ADGRL2: variants seen among roughly 807,000 people sequenced by gnomAD.
The protein encoded by ADGRL2 is adhesion G protein-coupled receptor L2, also known as calcium-independent alpha-latrotoxin receptor 2.
A neutral mutation model predicts 157.4 loss-of-function variants in ADGRL2; 44 were observed. That is an observed-to-expected ratio of 0.28 (90% CI 0.22 to 0.36). The LOEUF (loss-of-function observed/expected upper bound fraction) is 0.36. Among genes scored for constraint, ADGRL2 ranks in the 10% least tolerant of loss-of-function variants. The pLI is 1.00. For missense variants in ADGRL2, 1,510 were observed against 1,768.9 expected, an observed-to-expected ratio of 0.85 and a Z score of 2.63; for synonymous variants, 585 against 624.7, an observed-to-expected ratio of 0.94 and a Z score of 0.95.
At chr1:81,891,897 GT>G (rs2094275930) in intron 2 of ADGRL2, among the ~76,000 whole-genome samples, 1 of 151,918 alleles carries the variant, frequency 6.6e-6, no homozygotes, top group African/African-American at 2.4e-5. Flanking sequence ...ACGCATTTAT[GT>G]TTGGAGGTCT....
intron 21 of ADGRL2, among the ~76,000 whole-genome samples, 152 bp from the exon 22 acceptor site, chr1:81,986,749 T>C (rs565052107): frequency 6.6e-6 from 1 of 152,182 alleles, no homozygotes; most frequent in South Asian, 2.1e-4. Context: ...GTAGTTCAAA[T>C]ACAGTCAGAA....
At chr1:81,727,293 G>A (rs1166918159) in intron 1 of ADGRL2, among the ~76,000 whole-genome samples, 2 of 151,972 alleles carry the variant, frequency 1.3e-5, no homozygotes, top group Non-Finnish European at 2.9e-5. Context: ...ATAATTAGTG[G>A]AAAATAAAAA....
At chr1:81,357,690 A>G (rs961429801) in intron 1 of ADGRL2, among the ~76,000 whole-genome samples, 3 of 152,188 alleles carry the variant, frequency 2.0e-5, no homozygotes, top group African/African-American at 7.2e-5. Flanking sequence ...GAATAAAGAA[A>G]GCTTGGCTGG....
intron 3 of ADGRL2, among the ~76,000 whole-genome samples, chr1:81,618,965 T>C (rs3811471): frequency 0.13 from 19,135 of 152,162 alleles, 1,664 homozygotes; most frequent in Non-Finnish European, 0.18. Context: ...CACTCAGAGA[T>C]TATCTCTTTT....
At chr1:81,982,509 G>T (rs555464355) in intron 19 of ADGRL2, among the ~76,000 whole-genome samples, 27 of 152,002 alleles carry the variant, frequency 1.8e-4, no homozygotes, top group African/African-American at 6.3e-4. Flanking sequence ...CAGATGAAAA[G>T]CTTTAATCTG....
chr1:81,961,067 A>G (rs911126520), intron 11 of ADGRL2, among the ~76,000 whole-genome samples: 9 of 152,130 alleles, frequency 5.9e-5, no homozygotes, highest in Non-Finnish European at 1.2e-4. Context: ...TACAGCCACT[A>G]CTTGCTGAGG....
intron 3 of ADGRL2, among the ~76,000 whole-genome samples, chr1:81,607,604 A>G (rs989926860): frequency 6.6e-6 from 1 of 152,232 alleles, no homozygotes; most frequent in Non-Finnish European, 1.5e-5. Flanking sequence ...GGTAAGAAAG[A>G]ACACCTTTCC....
At chr1:81,349,477 T>G (rs1662715454) in intron 1 of ADGRL2, among the ~76,000 whole-genome samples, 2 of 152,150 alleles carry the variant, frequency 1.3e-5, no homozygotes, top group African/African-American at 4.8e-5. Flanking sequence ...TAAGACTAAG[T>G]GATCACAGGA....
intron 1 of ADGRL2, among the ~76,000 whole-genome samples, chr1:81,334,561 G>A (rs564249325): frequency 2.4e-4 from 36 of 152,166 alleles, no homozygotes; most frequent in East Asian, 1.2e-3. Flanking sequence ...TAAAATTGAC[G>A]TTACATAAAT....
At chr1:81,846,773 A>G (rs147064406) in intron 2 of ADGRL2, among the ~76,000 whole-genome samples, 1 of 152,058 alleles carries the variant, frequency 6.6e-6, no homozygotes, top group African/African-American at 2.4e-5. Context: ...CTTTGGTTAG[A>G]GACAATATAG....
At chr1:81,525,181 A>T (rs1008214302) in intron 2 of ADGRL2, among the ~76,000 whole-genome samples, 1 of 152,200 alleles carries the variant, frequency 6.6e-6, no homozygotes. Flanking sequence ...TTTCAGGCAC[A>T]TATTTTCTAA....
chr1:81,875,723 G>A (rs1483511894), intron 2 of ADGRL2, among the ~76,000 whole-genome samples: 2 of 152,082 alleles, frequency 1.3e-5, no homozygotes, highest in African/African-American at 4.8e-5. Flanking sequence ...TTTTGTTATT[G>A]TTTTTGGAGG....
At chr1:81,318,583 T>C (rs1266746299) in intron 1 of ADGRL2, among the ~76,000 whole-genome samples, 1 of 152,208 alleles carries the variant, frequency 6.6e-6, no homozygotes, top group African/African-American at 2.4e-5. Context: ...ATGGTGACTA[T>C]TACTAATACA....
At chr1:81,593,423 C>A (rs368602367) in intron 3 of ADGRL2, among the ~76,000 whole-genome samples, 27 of 152,220 alleles carry the variant, frequency 1.8e-4, no homozygotes, top group Middle Eastern at 3.4e-3. Flanking sequence ...GGGGTTAATG[C>A]TAGTATCTAC....
intron 3 of ADGRL2, among the ~76,000 whole-genome samples, chr1:81,630,271 C>A (rs1242737236): frequency 6.6e-6 from 1 of 152,076 alleles, no homozygotes; most frequent in Admixed American, 6.6e-5. Flanking sequence ...CAGCCTTCTC[C>A]AGGAAAGGCA....
intron 1 of ADGRL2, chr1:81,426,889 T>C: frequency 4.6e-6 from 3 of 658,092 alleles, no homozygotes; most frequent in Non-Finnish European, 8.4e-6. Context: ...GAGACTACTT[T>C]GAAAAGTATG....
At chr1:81,720,295 G>C (rs906876136) in intron 1 of ADGRL2, among the ~76,000 whole-genome samples, 28 of 149,994 alleles carry the variant, frequency 1.9e-4, no homozygotes, top group Non-Finnish European at 2.4e-4. Flanking sequence ...TGATTCTCCA[G>C]CCTCCCGAGT....
At chr1:81,415,864 G>T (rs1487519301) in intron 1 of ADGRL2, among the ~76,000 whole-genome samples, 2 of 142,986 alleles carry the variant, frequency 1.4e-5, no homozygotes, top group Non-Finnish European at 3.0e-5. Context: ...TTTTTGAGAC[G>T]GAGTCTTGCT....
At chr1:81,485,177 C>CAA (rs59279416) in intron 2 of ADGRL2, among the ~76,000 whole-genome samples, 3 of 100,142 alleles carry the variant, frequency 3.0e-5, no homozygotes, top group Admixed American at 9.7e-5. Flanking sequence ...TTGAAAAGCA[C>CAA]AAAAAAAAAA....
Sources: gnomAD v4.1 joint callset for allele counts (sites outside exome capture counted in the v4.1 genomes callset) on GRCh38, gnomAD v4.1.1 for gene constraint, MANE v1.5 for transcripts, NCBI Gene and HGNC (gene_info 2026-07-23, HGNC 2026-07-21) for gene names.